ASAP3: variants seen among roughly 807,000 people sequenced by gnomAD.
The protein encoded by ASAP3 is arf-GAP with SH3 domain, ANK repeat and PH domain-containing protein 3.
A neutral mutation model predicts 118.2 loss-of-function variants in ASAP3; 85 were observed. That is an observed-to-expected ratio of 0.72 (90% CI 0.60 to 0.86). The LOEUF (loss-of-function observed/expected upper bound fraction) is 0.86. Ranked by LOEUF, ASAP3 falls within the 40% of genes least tolerant of loss-of-function variation. The pLI, the probability that ASAP3 is intolerant of heterozygous loss-of-function variation, is 0.00. For missense variants in ASAP3, 1,026 were observed against 1,175.0 expected, an observed-to-expected ratio of 0.87 and a Z score of 1.85; for synonymous variants, 432 against 477.4, an observed-to-expected ratio of 0.90 and a Z score of 1.24.
intron 1 of ASAP3, among the ~76,000 whole-genome samples, chr1:23,477,175 C>G (rs1270244489): frequency 1.3e-5 from 2 of 151,294 alleles, no homozygotes; most frequent in Non-Finnish European, 2.9e-5. Context: ...TGCCACCATA[C>G]CCAGCTAATT....
At chr1:23,458,411 C>T (rs1360814856) in intron 1 of ASAP3, among the ~76,000 whole-genome samples, 1 of 152,082 alleles carries the variant, frequency 6.6e-6, no homozygotes, top group Non-Finnish European at 1.5e-5. Flanking sequence ...TCACTTGAGC[C>T]AAGGAGTTCA....
chr1:23,470,610 G>C (rs891644941), intron 1 of ASAP3, among the ~76,000 whole-genome samples: 1 of 152,256 alleles, frequency 6.6e-6, no homozygotes, highest in African/African-American at 2.4e-5. Flanking sequence ...GACAGGGAAG[G>C]CTCCTGTATG....
At chr1:23,446,439 CTTTTT>C (rs11365378) in intron 5 of ASAP3, among the ~76,000 whole-genome samples, 7 of 130,196 alleles carry the variant, frequency 5.4e-5, no homozygotes, top group Admixed American at 7.8e-5. Flanking sequence ...GTTTTTTTGT[CTTTTT>C]TTTTTTTTTT....
At chr1:23,431,649 A>G in intron 23 of ASAP3, 47 bp downstream of exon 23, 1 of 1,482,772 alleles carries the variant, frequency 6.7e-7, no homozygotes. Context: ...GGATGCTCAG[A>G]GAAGTCAGGG....
At chr1:23,466,890 T>G (rs1272912272) in intron 1 of ASAP3, among the ~76,000 whole-genome samples, 1 of 152,166 alleles carries the variant, frequency 6.6e-6, no homozygotes, top group East Asian at 1.9e-4. Context: ...TATTTTGAGA[T>G]GAAATCTCGC....
At chr1:23,456,303 TAC>T in intron 1 of ASAP3, 109 bp from the exon 2 acceptor site, 2 of 1,031,244 alleles carry the variant, frequency 1.9e-6, no homozygotes, top group Non-Finnish European at 2.9e-6. Context: ...TCCAAACAAA[TAC>T]ATTGAGTTTT....
At position 23,437,753 on chromosome 1, in the gene ASAP3, C is replaced by A. The variant is rs1181056794; in HGVS notation, c.1103-281G>T. Among the ~76,000 whole-genome samples, 1 of 152,140 alleles carries A rather than the reference C, an allele frequency of 6.6e-6. No individual in the cohort carries two copies. Among genetic ancestry groups the A allele is most frequent in the Non-Finnish European group, 1.5e-5 (1 of 68,030 alleles). ...CAAAGGGCTTGGAACCCCAGAGAAC[C>A]CAGCTCTGAGGCAGGGCATCCTCTG... On this transcript the variant is annotated intron_variant, in intron 12 of 24. Coordinates refer to ENST00000336689, the MANE Select transcript of ASAP3 (RefSeq NM_017707.4). The surrounding 1 kb of genome is among the most constrained non-coding windows in gnomAD (Gnocchi z 6.1).
At chr1:23,441,278 C>T in intron 9 of ASAP3, 67 bp from the exon 10 acceptor site, 4 of 1,604,992 alleles carry the variant, frequency 2.5e-6, no homozygotes, top group Non-Finnish European at 3.4e-6. Context: ...TCTGCGGGGG[C>T]TCACTCAGGG....
rs1570338178 is a variant in ASAP3, at chr1:23,437,246, G to A, written c.1226C>T (p.Pro409Leu). Reference sequence around the variant, plus strand: ...ATGGCCGGCGGACCCCCAGGACCCCGGGCCAGCGCTGGGCTCCCCGAGGAA... The same window carrying A: ...ATGGCCGGCGGACCCCCAGGACCCCAGGCCAGCGCTGGGCTCCCCGAGGAA... ...SAFLGEPSAG[P>L]GSWGSAGHDG... is the part of the protein sequence containing the mutation. The change falls in exon 14 of 25, where the codon CCG becomes CTG. Residue 409 changes from proline (P) to leucine (L), a missense_variant. By Grantham distance (98) the Pro-to-Leu change is moderately conservative. Transcript: ENST00000336689. The surrounding 1 kb of genome is among the most constrained non-coding windows in gnomAD (Gnocchi z 6.1). The A allele has an allele frequency of 1.3e-6, 2 of 1,591,102 alleles. No individual in the cohort carries two copies. Among genetic ancestry groups the A allele is most frequent in the Non-Finnish European group, 1.7e-6 (2 of 1,169,136 alleles).
Position 23,437,235 on chromosome 1 carries a change from C to A in ASAP3, c.1237G>T (p.Gly413Trp). 6 of 1,592,424 alleles carry A rather than the reference C, an allele frequency of 3.8e-6. No homozygotes were observed. The highest frequency in any genetic ancestry group is 2.3e-5 in the East Asian group (1 of 43,808). ...GEPSAGPGSW[G>W]SAGHDGEPHD... Reference sequence around the variant, plus strand: ...GGCTCCCCATCATGGCCGGCGGACCCCCAGGACCCCGGGCCAGCGCTGGGC... The same window carrying A: ...GGCTCCCCATCATGGCCGGCGGACCACCAGGACCCCGGGCCAGCGCTGGGC... The change falls in exon 14 of 25, where the codon GGG (glycine) becomes TGG (tryptophan). Residue 413 changes from glycine (G) to tryptophan (W), a missense_variant. Coordinates refer to ENST00000336689, the MANE Select transcript of ASAP3 (RefSeq NM_017707.4). This position sits in a 1 kb window ranked among gnomAD's most constrained non-coding sequence, Gnocchi z 6.1.
rs1640557992 is a variant in ASAP3, at chr1:23,434,386, T to A, written c.1836-17A>T. The A allele has an allele frequency of 6.2e-7, 1 of 1,613,298 alleles. No homozygotes were observed. The highest frequency in any genetic ancestry group is 1.3e-5 in the African/African-American group (1 of 74,756). On this transcript the variant is annotated splice_polypyrimidine_tract_variant and intron_variant, in intron 18 of 24. Coordinates refer to ENST00000336689, the MANE Select transcript of ASAP3 (RefSeq NM_017707.4). ...AGGTGACCACTGGGGAGAGGAGGGT[T>A]CAGGGAGAAAGGAAGGGGAACAGAT...
chr1:23,484,418 C>G, upstream of ASAP3: 1 of 231,660 alleles, frequency 4.3e-6, no homozygotes, highest in Admixed American at 5.8e-5. Context: ...CCCCCTAGGC[C>G]ACGCCCCCAG....
intron 1 of ASAP3, among the ~76,000 whole-genome samples, chr1:23,471,971 G>A (rs900122472): frequency 5.9e-5 from 9 of 152,120 alleles, no homozygotes; most frequent in African/African-American, 2.2e-4. Flanking sequence ...AAAACACTGT[G>A]CAACTGAAAG....
chr1:23,449,195 T>C (rs1263782811), intron 5 of ASAP3, among the ~76,000 whole-genome samples: 2 of 152,198 alleles, frequency 1.3e-5, no homozygotes, highest in African/African-American at 4.8e-5. Flanking sequence ...TCTCTTCCTG[T>C]GTTATTCTGG....
In ASAP3 at chr1:23,429,747, G is replaced by C. The variant is rs1640355608; in HGVS notation, c.*109C>G. ...CAGCTACAGAGGCACAAGGGACAGA[G>C]AGAGTGAGATCCAAGAGAACAAATG... is the stretch of plus-strand genomic sequence containing the variant. On this transcript the variant is annotated 3_prime_UTR_variant, in exon 25 of 25. Transcript: ENST00000336689. 2 of 1,120,596 alleles carry C rather than the reference G, an allele frequency of 1.8e-6. No homozygotes were observed. Among genetic ancestry groups the C allele is most frequent in the East Asian group, 2.6e-5 (1 of 38,706 alleles). The allele number at this position is 1,120,596 out of a possible 1,614,324, so 69.4% of individuals were successfully genotyped here. A position where few individuals can be genotyped will look rare whatever the true frequency, so the allele number is the denominator to read the frequency against.
chr1:23,482,378 CG>C (rs1460411956), intron 1 of ASAP3, among the ~76,000 whole-genome samples: 1 of 152,028 alleles, frequency 6.6e-6, no homozygotes, highest in Non-Finnish European at 1.5e-5. Context: ...AAATATTAGC[CG>C]GGTGTGGTGG....
At chr1:23,477,098 C>A (rs1293261464) in intron 1 of ASAP3, among the ~76,000 whole-genome samples, 1 of 151,090 alleles carries the variant, frequency 6.6e-6, no homozygotes, top group African/African-American at 2.4e-5. Flanking sequence ...CTCACTGCAA[C>A]CTCCACCTCC....
chr1:23,461,010 A>G (rs1000525593), intron 1 of ASAP3, among the ~76,000 whole-genome samples: 2 of 152,212 alleles, frequency 1.3e-5, no homozygotes, highest in African/African-American at 4.8e-5. Flanking sequence ...GGAAAAGGCA[A>G]AACTATGGAG....
chr1:23,444,902 C>G lies in ASAP3; in HGVS notation c.474-2290G>C, dbSNP rs146424483. ...TCCCTGACCTCCACCCACTAGCTGC[C>G]AGTAGCATCCCCCCAGCTGTGACAA... On this transcript the variant is annotated intron_variant, in intron 5 of 24. Coordinates refer to ENST00000336689, the MANE Select transcript of ASAP3 (RefSeq NM_017707.4). 4.2e-3 allele frequency among the ~76,000 whole-genome samples: 642 copies of G among 151,108 alleles called. 6 individuals are homozygous for G. The highest frequency in any genetic ancestry group is 0.015 in the African/African-American group (616 of 41,202).
Sources: gnomAD v4.1 joint callset for allele counts (sites outside exome capture counted in the v4.1 genomes callset) on GRCh38, gnomAD v4.1.1 for gene constraint, Gnocchi (gnomAD v3.1) non-coding constraint, MANE v1.5 for transcripts, NCBI Gene and HGNC (gene_info 2026-07-23, HGNC 2026-07-21) for gene names.